DNAH11: variants seen among roughly 807,000 people sequenced by gnomAD.
DNAH11 encodes dynein axonemal heavy chain 11.
In DNAH11, 442 loss-of-function variants were observed where a neutral mutation model predicts 526.0. That is an observed-to-expected ratio of 0.84 (90% CI 0.78 to 0.91). The LOEUF is 0.91. DNAH11 is among the 40% of genes least tolerant of loss of function. The probability of loss-of-function intolerance (pLI) is 0.00; values close to 1 mark genes in which losing one functional copy is unlikely to be tolerated. For missense variants in DNAH11, 6,989 were observed against 5,448.7 expected (o/e 1.28, Z -8.90); for synonymous variants, 2,461 against 1,935.9 (o/e 1.27, Z -7.12).
chr7:21,838,552 T>C (rs1423990221), intron 65 of DNAH11, among the ~76,000 whole-genome samples: 1 of 152,156 alleles, frequency 6.6e-6, no homozygotes, highest in African/African-American at 2.4e-5. Context: ...AGTGGAGTCA[T>C]ATAATATGTG....
Position 21,558,942 on chromosome 7 carries a change from A to G in DNAH11, c.636A>G (p.Leu212=), listed in dbSNP as rs765936290. The part of the protein sequence containing the change: ...FRGKMSRRTL[L]PIPTVAGKMD... ...GCAAAATGTCTAGAAGAACTCTTCT[A>G]CCAATTCCCACTGTTGCAGGAAAGA... Residue 212 remains leucine, a synonymous_variant, in exon 3 of 82, where the codon CTA becomes CTG. Coordinates refer to ENST00000409508, the MANE Select transcript of DNAH11 (RefSeq NM_001277115.2). 3.3e-5 allele frequency: 52 copies of G among 1,595,670 alleles called. No individual in the cohort carries two copies. Among genetic ancestry groups the G allele is most frequent in the South Asian group, 5.7e-5 (5 of 87,880 alleles).
intron 57 of DNAH11, among the ~76,000 whole-genome samples, chr7:21,781,269 A>T (rs757972599): frequency 1.3e-5 from 2 of 152,194 alleles, no homozygotes; most frequent in African/African-American, 2.4e-5. Context: ...ATGACTAAAT[A>T]AATGTTGGGG....
chr7:21,873,406 C>T lies in DNAH11; in HGVS notation c.12100C>T (p.Pro4034Ser). 1 of 1,613,926 alleles carries T rather than the reference C, an allele frequency of 6.2e-7. No homozygotes were observed. Among genetic ancestry groups the T allele is most frequent in the Non-Finnish European group, 8.5e-7 (1 of 1,179,870 alleles). The part of the protein sequence containing the change: ...SAPTPDEHII[P>S]QGLLENSIKI... Reference sequence around the variant, plus strand: ...ACCTACACCAGATGAGCATATCATCCCTCAAGGACTCCTGGAAAATTCCAT... The same window carrying T: ...ACCTACACCAGATGAGCATATCATCTCTCAAGGACTCCTGGAAAATTCCAT... The change falls in exon 74 of 82, where the codon CCT becomes TCT. Residue 4034 changes from proline to serine, a missense_variant. Transcript: ENST00000409508.
chr7:21,660,866 A>G (rs570289239), intron 30 of DNAH11, among the ~76,000 whole-genome samples: 3 of 152,210 alleles, frequency 2.0e-5, no homozygotes, highest in Non-Finnish European at 2.9e-5. Context: ...TTCACTCAAT[A>G]TATTATCTAC....
chr7:21,727,172 A>G (rs970474290), intron 45 of DNAH11, among the ~76,000 whole-genome samples: 1 of 151,760 alleles, frequency 6.6e-6, no homozygotes, highest in Non-Finnish European at 1.5e-5. Context: ...TGACCTCGTG[A>G]TCCGCCCACC....
chr7:21,891,982 G>A (rs1784341435), intron 76 of DNAH11, among the ~76,000 whole-genome samples: 1 of 151,988 alleles, frequency 6.6e-6, no homozygotes, highest in African/African-American at 2.4e-5. Flanking sequence ...GGGAAGTACA[G>A]GCTACAGAGT....
chr7:21,697,237 G>A (rs908887337), intron 35 of DNAH11, among the ~76,000 whole-genome samples: 3 of 151,932 alleles, frequency 2.0e-5, no homozygotes, highest in Admixed American at 6.6e-5. Context: ...TTTTTCAAAC[G>A]TTGCTGTGAA....
intron 66 of DNAH11, 82 bp from the exon 67 acceptor site, chr7:21,852,385 C>T (rs1317474267): frequency 2.4e-5 from 33 of 1,397,456 alleles, no homozygotes; most frequent in Middle Eastern, 2.0e-4. Flanking sequence ...CCAGCCTGGG[C>T]GACAGAGCAA....
chr7:21,822,282 G>A (rs1377879275), intron 65 of DNAH11, among the ~76,000 whole-genome samples: 2 of 152,114 alleles, frequency 1.3e-5, no homozygotes, highest in East Asian at 3.9e-4. Flanking sequence ...GAAGGTAAAC[G>A]GGGAGCAGAC....
chr7:21,669,080 G>T (rs1288456546), intron 30 of DNAH11, among the ~76,000 whole-genome samples: 1 of 152,100 alleles, frequency 6.6e-6, no homozygotes, highest in African/African-American at 2.4e-5. Flanking sequence ...TAAAGATGTT[G>T]AGCAACTTCT....
At chr7:21,625,980 ATAATT>A (rs1266470508) in intron 25 of DNAH11, among the ~76,000 whole-genome samples, 2 of 152,272 alleles carry the variant, frequency 1.3e-5, no homozygotes, top group Non-Finnish European at 2.9e-5. Flanking sequence ...GGTACATGTG[ATAATT>A]TAATATATGC....
At position 21,852,862 on chromosome 7, in the gene DNAH11, G is replaced by A. The variant is rs183394128; in HGVS notation, c.11061+231G>A. Among the ~76,000 whole-genome samples the A allele has an allele frequency of 1.8e-4, 27 of 152,248 alleles. No homozygotes were observed. The East Asian group carries it at 3.1e-3, about 17-fold the overall frequency. On this transcript the variant is annotated intron_variant, in intron 67 of 81. Transcript: ENST00000409508. ...ATGTCATTCAAATTAGACACTGTCCGGCTATTATTTTTCCTGGGTGACCAA... is the reference window on the plus strand; with the variant it reads ...ATGTCATTCAAATTAGACACTGTCCAGCTATTATTTTTCCTGGGTGACCAA...
chr7:21,572,079 T>G, intron 8 of DNAH11, 106 bp downstream of exon 8: 14 of 1,003,808 alleles, frequency 1.4e-5, no homozygotes, highest in East Asian at 3.1e-5. Flanking sequence ...CCAATATCTC[T>G]AGGACCAAAA....
At chr7:21,873,620 C>T (rs1583798336) in intron 74 of DNAH11, 119 bp downstream of exon 74, 3 of 946,158 alleles carry the variant, frequency 3.2e-6, no homozygotes, top group South Asian at 2.9e-5. Flanking sequence ...TTAATGTTCG[C>T]ATGTGGAAGG....
rs1782133882 is a variant in DNAH11, at chr7:21,658,980, T to C, written c.5277T>C (p.Ser1759=). 2 of 1,609,916 alleles carry C rather than the reference T, an allele frequency of 1.2e-6. No homozygotes were observed. The highest frequency in any genetic ancestry group is 1.7e-5 in the Admixed American group (1 of 59,448). The part of the protein sequence containing the change: ...WWTTDVGIAF[S]RLEEGYETAL... The stretch of plus-strand genomic sequence containing the variant: ...CCACAGATGTAGGAATAGCCTTCAG[T>C]AGACTGGAAGAAGGCTACGAAACAG... The change falls in exon 30 of 82, where the codon AGT becomes AGC. Residue 1759 remains serine, a synonymous_variant. Transcript: ENST00000409508.
intron 55 of DNAH11, among the ~76,000 whole-genome samples, chr7:21,771,901 A>T (rs1297719819): frequency 6.6e-6 from 1 of 152,190 alleles, no homozygotes; most frequent in Non-Finnish European, 1.5e-5. Context: ...ATGGCAGAAT[A>T]AATAATTTAT....
chr7:21,601,224 C>A (rs377532786), intron 17 of DNAH11, 45 bp downstream of exon 17: 28 of 1,548,914 alleles, frequency 1.8e-5, no homozygotes, highest in African/African-American at 2.8e-5. Flanking sequence ...TTCTAAACTG[C>A]TTTCTAAAAC....
intron 28 of DNAH11, among the ~76,000 whole-genome samples, chr7:21,649,148 T>C (rs1490069661): frequency 6.6e-6 from 1 of 152,170 alleles, no homozygotes; most frequent in Non-Finnish European, 1.5e-5. Flanking sequence ...CACTAAACAA[T>C]GGAAAGGATG....
At position 21,871,889 on chromosome 7, in the gene DNAH11, G is replaced by C. The variant is rs376898646; in HGVS notation, c.11968-1385G>C. Among the ~76,000 whole-genome samples the C allele has an allele frequency of 2.1e-3, 316 of 151,928 alleles. 2 individuals carry two copies. Among genetic ancestry groups the C allele is most frequent in the Non-Finnish European group, 2.5e-3 (169 of 67,956 alleles). ...TGTAATCCCAGCACTTTGGGAGGCC[G>C]AGGAGGGCAGATCATGAGGTCAGGA... On this transcript the variant is annotated intron_variant, in intron 73 of 81. Transcript: ENST00000409508.
Sources: allele counts gnomAD v4.1 joint callset (sites outside exome capture counted in the v4.1 genomes callset), GRCh38; gene constraint gnomAD v4.1.1; transcripts MANE v1.5; gene names NCBI Gene and HGNC (gene_info 2026-07-23, HGNC 2026-07-21).